The following USP45 variants were observed in gnomAD, a reference collection of about 807,000 sequenced individuals.
USP45 encodes ubiquitin carboxyl-terminal hydrolase 45.
A neutral mutation model predicts 95.8 loss-of-function variants in USP45; 89 were observed. The observed-to-expected ratio is 0.93, with a 90% confidence interval of 0.78 to 1.11. USP45 has a LOEUF of 1.11. USP45 is among the 50% of genes least tolerant of loss of function. The pLI is 0.00. For synonymous variants in USP45, 281 were observed against 316.2 expected (o/e 0.89, Z 1.18); for missense variants, 898 against 942.5 (o/e 0.95, Z 0.62).
chr6:99,453,238 C>A (rs145845574), intron 13 of USP45, among the ~76,000 whole-genome samples: 27 of 149,570 alleles, frequency 1.8e-4, no homozygotes, highest in African/African-American at 6.4e-4. Context: ...TCTTCACAGA[C>A]GACATAATCT....
At chr6:99,467,732 C>A (rs914155409) in intron 10 of USP45, among the ~76,000 whole-genome samples, 1 of 151,926 alleles carries the variant, frequency 6.6e-6, no homozygotes, top group African/African-American at 2.4e-5. Flanking sequence ...CACAAAAGAA[C>A]AAGGCATATT....
intron 5 of USP45, chr6:99,501,648 C>T (rs1797387225): frequency 6.1e-6 from 1 of 163,382 alleles, no homozygotes; most frequent in South Asian, 1.7e-4. Flanking sequence ...TACTCTAATA[C>T]TACAGACCAA....
intron 5 of USP45, among the ~76,000 whole-genome samples, chr6:99,500,912 G>A (rs550256726): frequency 2.6e-5 from 4 of 152,282 alleles, no homozygotes; most frequent in Non-Finnish European, 5.9e-5. Context: ...CACCATTACT[G>A]TCTCATTAGG....
chr6:99,482,902 C>T lies in USP45; in HGVS notation c.715-19G>A. 1 of 1,464,938 alleles carries T rather than the reference C, an allele frequency of 6.8e-7. No homozygotes were observed. The highest frequency in any genetic ancestry group is 9.0e-7 in the Non-Finnish European group (1 of 1,105,670). The allele number at this position is 1,464,938 out of a possible 1,614,324, so 90.7% of individuals were successfully genotyped here. A position where few individuals can be genotyped will look rare whatever the true frequency, so the allele number is the denominator to read the frequency against. On this transcript the variant is annotated intron_variant, in intron 7 of 17. Transcript: ENST00000500704. Reference sequence around the variant, plus strand: ...ATGGGTCCTTTAAAAACATGATCAACTCTATGTCAGAAATGTACAATTTAA... The same window carrying T: ...ATGGGTCCTTTAAAAACATGATCAATTCTATGTCAGAAATGTACAATTTAA...
At position 99,445,702 on chromosome 6, in the gene USP45, T is replaced by C. The variant is rs1000486484; in HGVS notation, c.1975+95A>G. The C allele has an allele frequency of 6.3e-6, 6 of 947,760 alleles. No homozygotes were observed. The East Asian group carries it at 1.1e-4, about 17-fold the overall frequency. 58.7% of individuals were successfully genotyped at this position (947,760 alleles called of 1,614,324 possible). A position where few individuals can be genotyped will look rare whatever the true frequency, so the allele number is the denominator to read the frequency against. On this transcript the variant is annotated intron_variant, in intron 14 of 17. Transcript: ENST00000500704. ...AATCTCTGCCTAAGTAACACAAGTA[T>C]AGGGACAAGATTCTCAGTAAAATTC...
chr6:99,458,943 A>AT (rs1785696700), intron 13 of USP45, among the ~76,000 whole-genome samples: 1 of 152,230 alleles, frequency 6.6e-6, no homozygotes, highest in Admixed American at 6.5e-5. Flanking sequence ...CCAGATGCAT[A>AT]TAAGTCACAG....
intron 9 of USP45, among the ~76,000 whole-genome samples, chr6:99,474,461 G>A (rs1386511619): frequency 6.6e-6 from 1 of 152,146 alleles, no homozygotes; most frequent in Non-Finnish European, 1.5e-5. Flanking sequence ...GCCTCCCAGA[G>A]TGCTGGGATT....
chr6:99,445,671 T>C, intron 14 of USP45, 126 bp downstream of exon 14: 1 of 726,142 alleles, frequency 1.4e-6, no homozygotes, highest in Non-Finnish European at 2.1e-6. Flanking sequence ...CAAATATGAA[T>C]GAAACAATCT....
chr6:99,497,375 A>G (rs1796526203), intron 5 of USP45, among the ~76,000 whole-genome samples: 1 of 152,142 alleles, frequency 6.6e-6, no homozygotes, highest in Admixed American at 6.6e-5. Flanking sequence ...GCTTAATGCA[A>G]TTACCTAAAC....
In USP45 at chr6:99,490,030, A is replaced by G. The variant is rs557236299; in HGVS notation, c.479-1210T>C. Among the ~76,000 whole-genome samples, 4 of 152,334 alleles carry G rather than the reference A, an allele frequency of 2.6e-5. No individual in the cohort carries two copies. The East Asian group carries it at 7.7e-4, about 29-fold the overall frequency. Reference sequence around the variant, plus strand: ...AGAACAATTCCTAACATTTACTGACATGGTTGACTACATGTATTTAGCAGA... The same window carrying G: ...AGAACAATTCCTAACATTTACTGACGTGGTTGACTACATGTATTTAGCAGA... On this transcript the variant is annotated intron_variant, in intron 5 of 17. Coordinates refer to ENST00000500704, the MANE Select transcript of USP45 (RefSeq NM_001346022.3).
intron 3 of USP45, among the ~76,000 whole-genome samples, chr6:99,507,896 G>A (rs1798876244): frequency 6.6e-6 from 1 of 152,174 alleles, no homozygotes; most frequent in African/African-American, 2.4e-5. Context: ...CTGAGACACA[G>A]ACCAATCATA....
intron 14 of USP45, among the ~76,000 whole-genome samples, chr6:99,445,355 C>T (rs146502137): frequency 6.0e-4 from 91 of 151,898 alleles, no homozygotes; most frequent in African/African-American, 2.2e-3. Flanking sequence ...TGGTGGTGGG[C>T]GCCTGTAATC....
intron 15 of USP45, among the ~76,000 whole-genome samples, chr6:99,440,342 G>A (rs1402776902): frequency 6.6e-6 from 1 of 152,100 alleles, no homozygotes; most frequent in Non-Finnish European, 1.5e-5. Flanking sequence ...CATTTTATCA[G>A]TAAAAGTAAA....
chr6:99,461,568 G>A (rs9494511), intron 13 of USP45: 3 of 985,348 alleles, frequency 3.0e-6, no homozygotes, highest in Non-Finnish European at 3.6e-6. Flanking sequence ...AAGGTACTCA[G>A]AGATAACATC....
chr6:99,513,106 G>A (rs535899451), intron 1 of USP45, among the ~76,000 whole-genome samples: 27 of 152,134 alleles, frequency 1.8e-4, no homozygotes, highest in Non-Finnish European at 3.1e-4. Context: ...TACAAAGAGT[G>A]CAGCATTACA....
rs1780094262 is a variant in USP45 at position 99,434,009 on chromosome 6, ATTACAG to A, written c.*1701_*1706del. 6.6e-6 allele frequency: 1 copy of A among 152,206 alleles called. No individual in the cohort carries two copies. The highest frequency in any genetic ancestry group is 2.4e-5 in the African/African-American group (1 of 41,446). 9.4% of individuals were successfully genotyped at this position (152,206 alleles called of 1,614,324 possible). Reference sequence around the variant, plus strand: ...GGTACTGAGATCTCCATGATAACAGATTACAGTTAAACAGAAAATGCTGTGAAATAC... The same window carrying A: ...GGTACTGAGATCTCCATGATAACAGATTAAACAGAAAATGCTGTGAAATAC... On this transcript the variant is annotated 3_prime_UTR_variant, in exon 18 of 18. Transcript: ENST00000500704.
chr6:99,469,285 C>T (rs1445146310), intron 9 of USP45, among the ~76,000 whole-genome samples: 1 of 151,672 alleles, frequency 6.6e-6, no homozygotes, highest in East Asian at 1.9e-4. Flanking sequence ...AAGATCCAAT[C>T]TCACAGAAAA....
In USP45 at chr6:99,465,092, T is replaced by C; in HGVS notation, c.1152A>G (p.Ile384Met). ...KDPFIDISLPIIEERVSKPLL... is the reference protein window; with the variant it reads ...KDPFIDISLPMIEERVSKPLL... ...TTCTTCTCCTTACCCTTTCTTCTAT[T>C]ATAGGAAGTGAAATATCAATGAATG... Residue 384 changes from isoleucine (I) to methionine (M), a missense_variant, in exon 12 of 18, where the codon ATA (isoleucine) becomes ATG (methionine). By Grantham distance (10) the Ile-to-Met change is conservative (BLOSUM62 1). Transcript: ENST00000500704. 2 of 1,599,394 alleles carry C rather than the reference T, an allele frequency of 1.3e-6. No individual in the cohort carries two copies. Among genetic ancestry groups the C allele is most frequent in the Non-Finnish European group, 1.7e-6 (2 of 1,171,614 alleles).
intron 9 of USP45, among the ~76,000 whole-genome samples, chr6:99,469,899 T>C (rs1168879041): frequency 2.0e-5 from 3 of 152,038 alleles, no homozygotes; most frequent in Admixed American, 6.6e-5. Context: ...TATCTTTTAA[T>C]TGGAAAAGAT....
Sources: allele counts gnomAD v4.1 joint callset (sites outside exome capture counted in the v4.1 genomes callset), GRCh38; gene constraint gnomAD v4.1.1; transcripts MANE v1.5; gene names NCBI Gene and HGNC (gene_info 2026-07-23, HGNC 2026-07-21).